The following MYH11 variants were observed in gnomAD, a reference collection of about 807,000 sequenced individuals.
MYH11 encodes myosin-11.
MYH11 carries 80 observed loss-of-function variants against 246.6 expected under a neutral mutation model. The observed-to-expected ratio is 0.32, with a 90% CI of 0.27 to 0.39. MYH11 has a LOEUF of 0.39. MYH11 is among the 10% of genes least tolerant of loss of function. The probability of loss-of-function intolerance (pLI) is 1.00; values close to 1 mark genes in which losing one functional copy is unlikely to be tolerated. For synonymous variants in MYH11, 1,071 were observed against 1,015.5 expected (o/e 1.05, Z -1.04); for missense variants, 2,158 against 2,546.8 (o/e 0.85, Z 3.29).
rs1256419218 is a variant in MYH11, at chr16:15,785,480, T to C, written c.633+1150A>G. 3 of 151,902 alleles carry C rather than the reference T, an allele frequency of 2.0e-5. No homozygotes were observed. In the East Asian group the frequency reaches 5.8e-4, roughly 29 times the overall value. 9.4% of individuals were successfully genotyped at this position (151,902 alleles called of 1,614,324 possible). On this transcript the variant is annotated intron_variant, in intron 5 of 40. Transcript: ENST00000300036. The stretch of plus-strand genomic sequence containing the variant: ...CTAGGATGCTGAATCTTGAGTTTCC[T>C]GCATTTGTTTGGAGAAGGAAAGTTC...
intron 40 of MYH11, among the ~76,000 whole-genome samples, chr16:15,705,306 C>T (rs1381575777): frequency 1.3e-5 from 2 of 152,124 alleles, no homozygotes; most frequent in Non-Finnish European, 2.9e-5. Flanking sequence ...TAGCTCCAGC[C>T]AGTAGGACAC....
chr16:15,816,261 G>T (rs1319086843), intron 3 of MYH11, among the ~76,000 whole-genome samples: 1 of 152,156 alleles, frequency 6.6e-6, no homozygotes, highest in Non-Finnish European at 1.5e-5. Flanking sequence ...GAAAGCCAGG[G>T]CAGATCAGAA....
In MYH11 at chr16:15,720,902, G is replaced by T. The variant is rs765435868; in HGVS notation, c.4728C>A (p.Phe1576Leu). Reference sequence around the variant, plus strand: ...CGTCCCGGGCTTGGAGATCCCTTTCGAACTGGCCCTTGAGCGCCTGCATGT... The same window carrying T: ...CGTCCCGGGCTTGGAGATCCCTTTCTAACTGGCCCTTGAGCGCCTGCATGT... ...EVNMQALKGQ[F>L]ERDLQARDEQ... Residue 1576 changes from phenylalanine (F) to leucine (L), a missense_variant, in exon 33 of 41, where the codon TTC becomes TTA. Phe to Leu is a conservative substitution (Grantham distance 22). Around this residue, in one of 11 missense-constraint regions of MYH11, gnomAD observed 1,013 missense variants for 993.5 expected, o/e 1.02. Coordinates refer to ENST00000300036, the MANE Select transcript of MYH11 (RefSeq NM_002474.3). 2 of 1,613,822 alleles carry T rather than the reference G, an allele frequency of 1.2e-6. No homozygotes were observed. Among genetic ancestry groups the T allele is most frequent in the East Asian group, 4.5e-5 (2 of 44,844 alleles).
In MYH11 at chr16:15,708,236, C is replaced by A. The variant is rs974334054; in HGVS notation, c.5787-4113G>T. 4.6e-5 allele frequency among the ~76,000 whole-genome samples: 7 copies of A among 152,182 alleles called. No homozygotes were observed. In the South Asian group the frequency reaches 6.2e-4, roughly 13 times the overall value. The stretch of plus-strand genomic sequence containing the variant: ...CATTTGTCAGACATCGCAGTGAGCT[C>A]ATTTCCTTCGCAGACAAGCCTGTGA... On this transcript the variant is annotated intron_variant, in intron 40 of 40. Coordinates refer to ENST00000300036, the MANE Select transcript of MYH11 (RefSeq NM_002474.3).
chr16:15,742,847 G>C (rs1009614510), intron 20 of MYH11, among the ~76,000 whole-genome samples: 1 of 151,670 alleles, frequency 6.6e-6, no homozygotes, highest in African/African-American at 2.4e-5. Context: ...CGATGGTCTT[G>C]TTTTGTCACC....
At chr16:15,801,870 T>A (rs751555569) in intron 3 of MYH11, among the ~76,000 whole-genome samples, 2 of 151,800 alleles carry the variant, frequency 1.3e-5, no homozygotes, top group Non-Finnish European at 2.9e-5. Context: ...GGCAGGAGAA[T>A]CACTTCAACC....
intron 40 of MYH11, among the ~76,000 whole-genome samples, chr16:15,709,608 C>G (rs1190485394): frequency 6.6e-6 from 1 of 152,176 alleles, no homozygotes; most frequent in African/African-American, 2.4e-5. Context: ...AGCCACTGCA[C>G]CCGGCTCAGT....
chr16:15,704,205 T>A, intron 40 of MYH11, 82 bp from the exon 41 acceptor site: 1 of 1,555,340 alleles, frequency 6.4e-7, no homozygotes, highest in Non-Finnish European at 8.8e-7. Flanking sequence ...ATTTTAAACT[T>A]GTAGCTATAG....
intron 26 of MYH11, 81 bp downstream of exon 26, chr16:15,735,285 G>T: frequency 6.7e-7 from 1 of 1,499,594 alleles, no homozygotes; most frequent in Non-Finnish European, 9.3e-7. Context: ...TGCACGATTT[G>T]CTTTGGGTTT....
intron 3 of MYH11, among the ~76,000 whole-genome samples, chr16:15,807,287 C>G (rs1344687075): frequency 6.6e-6 from 1 of 152,094 alleles, no homozygotes; most frequent in Non-Finnish European, 1.5e-5. Context: ...GCCAATGCAC[C>G]GAGCTTCATG....
chr16:15,749,997 GTC>G, intron 16 of MYH11, 139 bp downstream of exon 16: 1 of 1,039,512 alleles, frequency 9.6e-7, no homozygotes, highest in Non-Finnish European at 1.4e-6. Context: ...TGGGGAATGG[GTC>G]TGAGATTCAG....
intron 3 of MYH11, among the ~76,000 whole-genome samples, chr16:15,800,718 C>T (rs1487985809): frequency 6.6e-6 from 1 of 151,848 alleles, no homozygotes. Context: ...CATCTGTAAT[C>T]TTAAGAGAGA....
Position 15,711,708 on chromosome 16 carries a change from T to C in MYH11, c.5786+3201A>G, listed in dbSNP as rs531057144. 1.8e-4 allele frequency among the ~76,000 whole-genome samples: 27 copies of C among 152,230 alleles called. No individual in the cohort carries two copies. In the South Asian group the frequency reaches 5.6e-3, roughly 32 times the overall value. On this transcript the variant is annotated intron_variant, in intron 40 of 40. Coordinates refer to ENST00000300036, the MANE Select transcript of MYH11 (RefSeq NM_002474.3). The stretch of plus-strand genomic sequence containing the variant: ...TGTCCTAGACACTGGAGATTTTTTT[T>C]TTGAGACCGAGTTTTGGTCTGTCAC...
intron 25 of MYH11, among the ~76,000 whole-genome samples, chr16:15,737,128 T>TC (rs1686720262): frequency 6.6e-6 from 1 of 152,014 alleles, no homozygotes; most frequent in Non-Finnish European, 1.5e-5. Flanking sequence ...GGAAATTGAC[T>TC]CATTGGGCAA....
At chr16:15,718,231 C>T (rs962909942) in intron 37 of MYH11, 84 bp downstream of exon 37, 45 of 1,596,514 alleles carry the variant, frequency 2.8e-5, no homozygotes, top group Middle Eastern at 1.8e-4. Context: ...CACAGGAAGC[C>T]GCCACGCGTG....
chr16:15,729,539 T>C (rs2040898194), intron 27 of MYH11, among the ~76,000 whole-genome samples: 1 of 149,380 alleles, frequency 6.7e-6, no homozygotes, highest in South Asian at 2.1e-4. Context: ...GGCCTCACTC[T>C]TCCAACCATA....
At chr16:15,749,781 C>G in intron 16 of MYH11, 2 of 403,134 alleles carry the variant, frequency 5.0e-6, no homozygotes, top group South Asian at 6.8e-5. Context: ...TCGCCCCAAG[C>G]TGAAGATGCC....
intron 16 of MYH11, among the ~76,000 whole-genome samples, chr16:15,748,508 C>G (rs1162351856): frequency 2.0e-5 from 3 of 152,198 alleles, no homozygotes; most frequent in Admixed American, 1.3e-4. Flanking sequence ...TCCCAACCCC[C>G]CCACTTCTCT....
intron 13 of MYH11, among the ~76,000 whole-genome samples, chr16:15,757,576 GA>G (rs1247726443): frequency 4.4e-5 from 6 of 136,972 alleles, no homozygotes; most frequent in African/African-American, 1.6e-4. Context: ...GGGTAGGGAA[GA>G]AAAAAAGGAA....
Sources: gnomAD v4.1 joint callset for allele counts (sites outside exome capture counted in the v4.1 genomes callset) on GRCh38, gnomAD v4.1.1 for gene constraint, gnomAD v4.1.1 regional missense constraint, MANE v1.5 for transcripts, NCBI Gene and HGNC (gene_info 2026-07-23, HGNC 2026-07-21) for gene names.